The following DNAJC2 variants were observed in gnomAD, a reference collection of about 807,000 sequenced individuals.
The protein encoded by DNAJC2 is DnaJ heat shock protein family (Hsp40) member C2.
DNAJC2 carries 32 observed loss-of-function variants against 94.0 expected under a neutral mutation model. The observed-to-expected ratio is 0.34, with a 90% confidence interval of 0.26 to 0.46. The LOEUF (loss-of-function observed/expected upper bound fraction) is 0.46. DNAJC2 is among the 20% of genes least tolerant of loss of function. The pLI is 1.00. For synonymous variants in DNAJC2, 210 were observed against 229.7 expected, an observed-to-expected ratio of 0.91 and a Z score of 0.77; for missense variants, 550 against 719.5, an observed-to-expected ratio of 0.76 and a Z score of 2.69.
intron 6 of DNAJC2, 61 bp from the exon 7 acceptor site, chr7:103,323,724 A>C: frequency 8.3e-7 from 1 of 1,199,974 alleles, no homozygotes; most frequent in South Asian, 1.6e-5. Context: ...ATTCTTTTTA[A>C]TGCAAGTGAA....
chr7:103,326,707 C>T, intron 4 of DNAJC2, 23 bp from the exon 5 acceptor site: 1 of 1,593,008 alleles, frequency 6.3e-7, no homozygotes, highest in East Asian at 2.3e-5. Context: ...TTGTTAAGAT[C>T]ACATCACCAT....
intron 10 of DNAJC2, chr7:103,320,749 A>G (rs1818347181): frequency 8.8e-6 from 1 of 113,846 alleles, no homozygotes; most frequent in Admixed American, 8.8e-5. Flanking sequence ...GTCACAAAAT[A>G]TATATATATA....
Position 103,341,880 on chromosome 7 carries a change from A to G in DNAJC2, c.139T>C (p.Ser47Pro), listed in dbSNP as rs1246953093. Residue 47 changes from serine to proline, a missense_variant, in exon 2 of 17, where the codon TCT becomes CCT. This residue lies in a region of DNAJC2 where 279 missense variants were observed against 416.9 expected (regional missense o/e 0.67). Transcript: ENST00000379263. Reference protein sequence around the residue: ...AFVKRRNRNASASFQELEDKK... With the variant: ...AFVKRRNRNAPASFQELEDKK... ...TCCTCCAGTTCCTGAAAAGAGGCAG[A>G]AGCATTTCTGTTTCTCCTCTTAACA... 1 of 1,613,418 alleles carries G rather than the reference A, an allele frequency of 6.2e-7. No homozygotes were observed. The highest frequency in any genetic ancestry group is 1.3e-5 in the African/African-American group (1 of 75,036).
At chr7:103,319,361 C>G (rs866874613) in intron 12 of DNAJC2, among the ~76,000 whole-genome samples, 23 of 151,670 alleles carry the variant, frequency 1.5e-4, no homozygotes, top group Admixed American at 3.3e-4. Context: ...CACTTGAACC[C>G]GGGAGGCGGA....
At chr7:103,318,897 T>G (rs1238360099) in intron 12 of DNAJC2, among the ~76,000 whole-genome samples, 2 of 152,150 alleles carry the variant, frequency 1.3e-5, no homozygotes, top group Non-Finnish European at 2.9e-5. Flanking sequence ...TAATCCAACT[T>G]AAATCAACAA....
chr7:103,344,675 G>C lies in DNAJC2; in HGVS notation c.-53C>G. The C allele has an allele frequency of 6.3e-7, 1 of 1,579,574 alleles. No homozygotes were observed. The highest frequency in any genetic ancestry group is 8.6e-7 in the Non-Finnish European group (1 of 1,162,084). ...GCAGCGGCTCACGTCCCGGGCGGAGGGCGCTTAGGGTCCCCTCCAGCTCTA... is the reference window on the plus strand; with the variant it reads ...GCAGCGGCTCACGTCCCGGGCGGAGCGCGCTTAGGGTCCCCTCCAGCTCTA... On this transcript the variant is annotated 5_prime_UTR_variant, in exon 1 of 17. Coordinates refer to ENST00000379263, the MANE Select transcript of DNAJC2 (RefSeq NM_014377.3).
At chr7:103,330,053 TA>T (rs1400037007) in intron 3 of DNAJC2, among the ~76,000 whole-genome samples, 1 of 152,218 alleles carries the variant, frequency 6.6e-6, no homozygotes, top group Non-Finnish European at 1.5e-5. Context: ...CTGAAACAGT[TA>T]TCAAAGTAGG....
chr7:103,323,910 A>G (rs1321971727), intron 6 of DNAJC2, among the ~76,000 whole-genome samples: 1 of 152,214 alleles, frequency 6.6e-6, no homozygotes, highest in Non-Finnish European at 1.5e-5. Flanking sequence ...CGCTTGACCA[A>G]GACCTATTTT....
At chr7:103,324,968 G>C (rs1196363915) in intron 5 of DNAJC2, among the ~76,000 whole-genome samples, 1 of 152,104 alleles carries the variant, frequency 6.6e-6, no homozygotes, top group East Asian at 1.9e-4. Context: ...TATTCACAGA[G>C]GGAACTAATT....
chr7:103,312,621 G>C lies in DNAJC2; in HGVS notation c.1814C>G (p.Ala605Gly). 1 of 1,613,480 alleles carries C rather than the reference G, an allele frequency of 6.2e-7. No homozygotes were observed. The highest frequency in any genetic ancestry group is 8.5e-7 in the Non-Finnish European group (1 of 1,179,782). ...RYKELVEMVK[A>G]KKAAQEQVLN... ...CACTTGTTCTTGAGCAGCTTTCTTTGCTTTTACCATCTCGACAAGTTCCTA... is the reference window on the plus strand; with the variant it reads ...CACTTGTTCTTGAGCAGCTTTCTTTCCTTTTACCATCTCGACAAGTTCCTA... The change falls in exon 17 of 17, where the codon GCA becomes GGA. Residue 605 changes from alanine (A) to glycine (G), a missense_variant. Coordinates refer to ENST00000379263, the MANE Select transcript of DNAJC2 (RefSeq NM_014377.3).
intron 3 of DNAJC2, chr7:103,329,087 C>A: frequency 2.2e-6 from 2 of 909,218 alleles, no homozygotes; most frequent in Non-Finnish European, 1.5e-6. Flanking sequence ...TGGTGGTCAA[C>A]AATTTTTTTG....
intron 7 of DNAJC2, 76 bp downstream of exon 7, chr7:103,323,522 G>A (rs1218124967): frequency 5.3e-6 from 7 of 1,318,276 alleles, no homozygotes; most frequent in South Asian, 1.6e-5. Flanking sequence ...GAAAATTTAC[G>A]TGACAATTTT....
At chr7:103,316,109 A>G (rs1818039125) in intron 13 of DNAJC2, 21 bp from the exon 14 acceptor site, 1 of 1,440,880 alleles carries the variant, frequency 6.9e-7, no homozygotes, top group African/African-American at 1.4e-5. Flanking sequence ...ATATTATACA[A>G]TAATATGAAT....
At chr7:103,342,211 T>C (rs1174345676) in intron 1 of DNAJC2, among the ~76,000 whole-genome samples, 7 of 152,084 alleles carry the variant, frequency 4.6e-5, no homozygotes, top group Non-Finnish European at 1.0e-4. Flanking sequence ...GTAATGTCAA[T>C]GATAAATCAG....
rs1246649099 is a variant in DNAJC2, at chr7:103,322,652, A to C, written c.812-20T>G. On this transcript the variant is annotated intron_variant, in intron 8 of 16. Coordinates refer to ENST00000379263, the MANE Select transcript of DNAJC2 (RefSeq NM_014377.3). ...CATTGTCTAGCAAAAGAAAAAGTTA[A>C]TCTCATTTTGAATTTCTAACATTTA... 1.2e-6 allele frequency: 2 copies of C among 1,612,988 alleles called. No individual in the cohort carries two copies. Among genetic ancestry groups the C allele is most frequent in the Non-Finnish European group, 1.7e-6 (2 of 1,179,798 alleles).
chr7:103,314,197 G>T, intron 15 of DNAJC2: 2 of 985,350 alleles, frequency 2.0e-6, no homozygotes, highest in Non-Finnish European at 2.4e-6. Context: ...AAATACCATA[G>T]ATTTTATTTC....
chr7:103,342,094 T>C (rs1819393593), intron 1 of DNAJC2, 140 bp from the exon 2 acceptor site: 1 of 540,404 alleles, frequency 1.9e-6, no homozygotes, highest in Non-Finnish European at 3.0e-6. Flanking sequence ...CGAAAATAAT[T>C]GCAGTCATCC....
At chr7:103,313,208 C>A in intron 15 of DNAJC2, 107 bp from the exon 16 acceptor site, 1 of 1,470,430 alleles carries the variant, frequency 6.8e-7, no homozygotes, top group South Asian at 1.5e-5. Flanking sequence ...TGGGATGTGT[C>A]ATTTTGAAAA....
At chr7:103,341,498 C>G (rs1322338819) in intron 2 of DNAJC2, among the ~76,000 whole-genome samples, 6 of 152,198 alleles carry the variant, frequency 3.9e-5, no homozygotes, top group African/African-American at 1.4e-4. Context: ...ATACTTTTCT[C>G]ACTTCTCTGC....
Sources: allele counts gnomAD v4.1 joint callset (sites outside exome capture counted in the v4.1 genomes callset), GRCh38; gene constraint gnomAD v4.1.1; regional missense constraint gnomAD v4.1.1; transcripts MANE v1.5; gene names NCBI Gene and HGNC (gene_info 2026-07-23, HGNC 2026-07-21).